DHDDS: variants seen among roughly 807,000 people sequenced by gnomAD.
DHDDS encodes the protein dehydrodolichyl diphosphate synthase complex subunit DHDDS.
DHDDS carries 16 observed loss-of-function variants against 46.2 expected under a neutral mutation model. The ratio of observed to expected loss-of-function variants is 0.35; its 90% CI spans 0.23 to 0.53. The LOEUF is 0.53. Ranked by LOEUF, DHDDS falls within the 20% of genes least tolerant of loss-of-function variation. The pLI is 0.94. For missense variants in DHDDS, 340 were observed against 423.7 expected (o/e 0.80, Z 1.73); for synonymous variants, 151 against 163.1 (o/e 0.93, Z 0.56).
intron 3 of DHDDS, 165 bp from the exon 4 acceptor site, chr1:26,442,566 C>A: frequency 1.3e-6 from 1 of 789,646 alleles, no homozygotes; most frequent in Non-Finnish European, 2.2e-6. Context: ...TTATTTGATG[C>A]ATTAATTCTG....
At chr1:26,465,536 C>A (rs2075475678) in intron 8 of DHDDS, among the ~76,000 whole-genome samples, 1 of 152,178 alleles carries the variant, frequency 6.6e-6, no homozygotes, top group African/African-American at 2.4e-5. Context: ...TACTTAACCC[C>A]TCAGAGTATC....
intron 8 of DHDDS, 83 bp from the exon 9 acceptor site, chr1:26,468,812 C>CCCCCCCCCAAACACCA: frequency 1.7e-6 from 1 of 601,120 alleles, no homozygotes; most frequent in Non-Finnish European, 2.8e-6. Flanking sequence ...CCACCCTGTG[C>CCCCCCCCCAAACACCA]CCCACCCCCT....
At chr1:26,459,007 T>C (rs1423451842) in intron 7 of DHDDS, among the ~76,000 whole-genome samples, 3 of 152,202 alleles carry the variant, frequency 2.0e-5, no homozygotes, top group Non-Finnish European at 2.9e-5. Flanking sequence ...AGTGACAATG[T>C]ATTCCCTTGG....
At chr1:26,438,450 C>A in intron 3 of DHDDS, 166 bp downstream of exon 3, 1 of 684,112 alleles carries the variant, frequency 1.5e-6, no homozygotes. Context: ...ATTGGCCAGA[C>A]GTGGTTGCTT....
intron 3 of DHDDS, among the ~76,000 whole-genome samples, chr1:26,439,421 CAA>C (rs553319082): frequency 6.9e-6 from 1 of 144,458 alleles, no homozygotes; most frequent in African/African-American, 2.5e-5. Context: ...CTCTACAAAA[CAA>C]AAAAAAAAAT....
chr1:26,468,496 C>T (rs929085935), intron 8 of DHDDS, among the ~76,000 whole-genome samples: 5 of 152,126 alleles, frequency 3.3e-5, no homozygotes, highest in African/African-American at 1.2e-4. Context: ...ATCTCTAATC[C>T]TTAAAACCAC....
At chr1:26,435,439 T>C (rs2075144268) in intron 2 of DHDDS, among the ~76,000 whole-genome samples, 2 of 129,612 alleles carry the variant, frequency 1.5e-5, no homozygotes, top group African/African-American at 3.0e-5. Flanking sequence ...CCTTTTTTTT[T>C]TTTTTTTTTT....
At chr1:26,460,220 T>C (rs1008515577) in intron 8 of DHDDS, 76 bp downstream of exon 8, 2 of 1,145,410 alleles carry the variant, frequency 1.7e-6, no homozygotes, top group African/African-American at 1.5e-5. Flanking sequence ...ACCACCTTAC[T>C]ATATACCAGG....
intron 6 of DHDDS, among the ~76,000 whole-genome samples, chr1:26,453,548 T>C (rs1233633996): frequency 6.6e-6 from 1 of 152,078 alleles, no homozygotes. Context: ...CTTGAGCTCA[T>C]AAGTTCGAGA....
chr1:26,450,482 T>G (rs2075309628), intron 6 of DHDDS, among the ~76,000 whole-genome samples: 1 of 152,074 alleles, frequency 6.6e-6, no homozygotes, highest in African/African-American at 2.4e-5. Context: ...AGAAAGAGCC[T>G]AAGATGGCAT....
chr1:26,469,036 T>G lies in DHDDS; in HGVS notation c.907T>G (p.Ser303Ala). The G allele has an allele frequency of 6.2e-7, 1 of 1,613,984 alleles. No individual in the cohort carries two copies. The highest frequency in any genetic ancestry group is 8.5e-7 in the Non-Finnish European group (1 of 1,180,034). ...CCGAAGGACACGCTTGCACAAACTC[T>G]CGGCCAGACGGGAAGAGCGAGTCCA... ...QLRRTRLHKLSARREERVQGF... is the reference protein window; with the variant it reads ...QLRRTRLHKLAARREERVQGF... The change falls in exon 9 of 9, where the codon TCG becomes GCG. Residue 303 changes from serine to alanine, a missense_variant. This residue lies in a region of DHDDS where 268 missense variants were observed against 300.3 expected (regional missense o/e 0.89). Coordinates refer to ENST00000236342, the MANE Select transcript of DHDDS (RefSeq NM_205861.3).
At position 26,447,630 on chromosome 1, in the gene DHDDS, G is replaced by C. The variant is rs367557625; in HGVS notation, c.512G>C (p.Trp171Ser). The part of the protein sequence containing the change: ...EISNAVREMA[W>S]GVEQGLLDPS... ...AGCAATGCTGTGAGAGAGATGGCCTGGGGGGTGGAGCAAGGCCTGTTGGAT... is the reference window on the plus strand; with the variant it reads ...AGCAATGCTGTGAGAGAGATGGCCTCGGGGGTGGAGCAAGGCCTGTTGGAT... Residue 171 changes from tryptophan (W) to serine (S), a missense_variant, in exon 6 of 9, where the codon TGG becomes TCG. Trp to Ser is a radical substitution (Grantham distance 177). Around this residue, in one of 2 missense-constraint regions of DHDDS, gnomAD observed 268 missense variants for 300.3 expected, o/e 0.89. Coordinates refer to ENST00000236342, the MANE Select transcript of DHDDS (RefSeq NM_205861.3). 6.2e-7 allele frequency: 1 copy of C among 1,613,876 alleles called. No individual in the cohort carries two copies. Among genetic ancestry groups the C allele is most frequent in the Non-Finnish European group, 8.5e-7 (1 of 1,179,788 alleles).
chr1:26,468,922 C>T lies in DHDDS; in HGVS notation c.793C>T (p.Arg265Trp), dbSNP rs749723641. The T allele has an allele frequency of 5.0e-6, 8 of 1,613,782 alleles. No individual in the cohort carries two copies. Among genetic ancestry groups the T allele is most frequent in the East Asian group, 4.5e-5 (2 of 44,878 alleles). Residue 265 changes from arginine (R) to tryptophan (W), a missense_variant, in exon 9 of 9, where the codon CGG (arginine) becomes TGG (tryptophan). Arg to Trp is a moderately radical substitution (Grantham distance 101). Transcript: ENST00000236342. ...GGCCCGAGACATGTATGCAGAGGAG[C>T]GGAAGAGGCAGCAGCTGGAGAGGGA... Reference protein sequence around the residue: ...QKARDMYAEERKRQQLERDQA... With the variant: ...QKARDMYAEEWKRQQLERDQA...
At chr1:26,451,667 C>A (rs1019350240) in intron 6 of DHDDS, among the ~76,000 whole-genome samples, 5 of 144,198 alleles carry the variant, frequency 3.5e-5, no homozygotes, top group Non-Finnish European at 7.5e-5. Flanking sequence ...CTCGCTCTGT[C>A]GCCCAGGCTG....
intron 4 of DHDDS, 111 bp from the exon 5 acceptor site, chr1:26,446,205 T>C: frequency 1.2e-6 from 1 of 818,946 alleles, no homozygotes; most frequent in Admixed American, 2.1e-5. Flanking sequence ...GAACAGGGTC[T>C]GACACACAGG....
chr1:26,459,481 AT>A (rs2075402212), intron 7 of DHDDS, among the ~76,000 whole-genome samples: 1 of 152,228 alleles, frequency 6.6e-6, no homozygotes, highest in Admixed American at 6.5e-5. Context: ...AAAATTAGGT[AT>A]TCCTATTATC....
chr1:26,454,833 C>T, intron 6 of DHDDS: 2 of 1,583,358 alleles, frequency 1.3e-6, no homozygotes, highest in Non-Finnish European at 8.6e-7. Context: ...GCTTTGTTCA[C>T]TTGGATATGC....
At chr1:26,457,342 G>A (rs1320496311) in intron 6 of DHDDS, among the ~76,000 whole-genome samples, 4 of 150,876 alleles carry the variant, frequency 2.7e-5, no homozygotes, top group Admixed American at 1.3e-4. Flanking sequence ...GTGTGGTGGC[G>A]GGCACCTGTA....
rs1214344993 is a variant in DHDDS, at chr1:26,457,884, G to T, written c.636G>T (p.Leu212=). The T allele has an allele frequency of 1.2e-6, 2 of 1,613,820 alleles. No individual in the cohort carries two copies. The highest frequency in any genetic ancestry group is 1.7e-6 in the Non-Finnish European group (2 of 1,179,972). The change falls in exon 7 of 9, where the codon CTG becomes CTT. Residue 212 remains leucine, a synonymous_variant. Transcript: ENST00000236342. ...TACGGACTTCTGGAGAAGTGCGGCT[G>T]AGTGACTTCTTGCTATGGCAGGTAG... is the stretch of plus-strand genomic sequence containing the variant. ...ILIRTSGEVR[L]SDFLLWQTSH...
Sources: allele counts gnomAD v4.1 joint callset (sites outside exome capture counted in the v4.1 genomes callset), GRCh38; gene constraint gnomAD v4.1.1; regional missense constraint gnomAD v4.1.1; transcripts MANE v1.5; gene names NCBI Gene and HGNC (gene_info 2026-07-23, HGNC 2026-07-21).